Variants in HAO2 observed in about 807,000 individuals in gnomAD.
HAO2 encodes 2-Hydroxyacid oxidase 2.
In HAO2, 42 loss-of-function variants were observed where a neutral mutation model predicts 37.4. That is an observed-to-expected ratio of 1.12 (90% CI 0.88 to 1.45). The LOEUF is 1.45. Ranked by LOEUF, HAO2 falls within the 40% of genes most tolerant of loss-of-function variation. The probability of loss-of-function intolerance (pLI) is 0.00; values close to 1 mark genes in which losing one functional copy is unlikely to be tolerated. For missense variants in HAO2, 476 were observed against 430.2 expected (o/e 1.11, Z -0.94); for synonymous variants, 180 against 162.8 (o/e 1.11, Z -0.81).
intron 4 of HAO2, among the ~76,000 whole-genome samples, chr1:119,386,334 C>T (rs113600927): frequency 0.04 from 6,047 of 152,174 alleles, 386 homozygotes; most frequent in African/African-American, 0.14. Flanking sequence ...CCACTTCAGC[C>T]TCCCGAGTAG....
intron 4 of HAO2, 169 bp downstream of exon 4, chr1:119,385,222 TA>T: frequency 1.0e-5 from 10 of 982,932 alleles, no homozygotes; most frequent in Non-Finnish European, 1.2e-5. Flanking sequence ...TCCTGCTCCC[TA>T]GAGTTTCCAG....
intron 1 of HAO2, among the ~76,000 whole-genome samples, chr1:119,378,798 T>C (rs1444343031): frequency 6.6e-6 from 1 of 152,184 alleles, no homozygotes; most frequent in Non-Finnish European, 1.5e-5. Flanking sequence ...TGTGTATTTA[T>C]TGAGATATCA....
Position 119,381,140 on chromosome 1 carries a change from A to G in HAO2, c.55A>G (p.Lys19Glu), listed in dbSNP as rs765614393. Residue 19 changes from lysine to glutamate, a missense_variant, in exon 2 of 8, where the codon AAG (lysine) becomes GAG (glutamate). Lys to Glu is a moderately conservative substitution (Grantham distance 56, BLOSUM62 1). Transcript: ENST00000325945. ...FQAHAREQLSKSTRDFIEGGA... is the reference protein window; with the variant it reads ...FQAHAREQLSESTRDFIEGGA... ...GGCCCATGCGCGAGAGCAGCTGTCTAAGTCAACTCGGGATTTTATTGAAGG... is the reference window on the plus strand; with the variant it reads ...GGCCCATGCGCGAGAGCAGCTGTCTGAGTCAACTCGGGATTTTATTGAAGG... 4 of 1,609,528 alleles carry G rather than the reference A, an allele frequency of 2.5e-6. No individual in the cohort carries two copies. In the African/African-American group the frequency reaches 4.0e-5, roughly 16 times the overall value.
chr1:119,380,802 T>C, intron 1 of HAO2: 3 of 900,942 alleles, frequency 3.3e-6, no homozygotes, highest in South Asian at 1.4e-5. Flanking sequence ...AGGTGGTGTG[T>C]GTACAGTGGA....
intron 2 of HAO2, among the ~76,000 whole-genome samples, chr1:119,381,590 G>A (rs1016476193): frequency 6.6e-6 from 1 of 152,104 alleles, no homozygotes; most frequent in Admixed American, 6.5e-5. Flanking sequence ...ATGGAAGACA[G>A]GAGAGAACAC....
chr1:119,371,752 T>C (rs587625619), intron 1 of HAO2, among the ~76,000 whole-genome samples: 1 of 152,338 alleles, frequency 6.6e-6, no homozygotes, highest in East Asian at 1.9e-4. Context: ...TGTAAAGCAA[T>C]TTACACAGTG....
intron 4 of HAO2, 55 bp downstream of exon 4, chr1:119,385,108 C>T (rs906360669): frequency 1.3e-6 from 2 of 1,564,622 alleles, no homozygotes; most frequent in Admixed American, 1.7e-5. Context: ...AATTTCCTTC[C>T]CTCTTTTCTC....
At chr1:119,389,170 A>ATATATATATATATAT (rs1557855935) in intron 5 of HAO2, among the ~76,000 whole-genome samples, 1 of 96,542 alleles carries the variant, frequency 1.0e-5, no homozygotes. Flanking sequence ...ATATATATAC[A>ATATATATATATATAT]CCACAGTTTC....
At chr1:119,382,861 T>C (rs770604204) in intron 2 of HAO2, 54 bp from the exon 3 acceptor site, 57 of 1,565,930 alleles carry the variant, frequency 3.6e-5, no homozygotes, top group Non-Finnish European at 4.7e-5. Flanking sequence ...AGACAACGCC[T>C]CCCTGCTGCA....
chr1:119,393,752 A>C, intron 7 of HAO2, 33 bp from the exon 8 acceptor site: 1 of 1,608,168 alleles, frequency 6.2e-7, no homozygotes, highest in Non-Finnish European at 8.5e-7. Context: ...TGTGTTTGAC[A>C]AAAATGAGCT....
chr1:119,378,385 T>A (rs1649649023), intron 1 of HAO2, among the ~76,000 whole-genome samples: 1 of 152,168 alleles, frequency 6.6e-6, no homozygotes, highest in South Asian at 2.1e-4. Flanking sequence ...GAGCTATAAT[T>A]CAAGAAGATA....
chr1:119,381,028 T>C lies in HAO2; in HGVS notation c.-8-50T>C, dbSNP rs144988442. ...CTTCCCCTTCATTTCCTTTTCTGCA[T>C]CTGAAGTGTTCTCACTGGGTTTGGT... On this transcript the variant is annotated intron_variant, in intron 1 of 7. Coordinates refer to ENST00000325945, the MANE Select transcript of HAO2 (RefSeq NM_016527.4). The C allele has an allele frequency of 7.8e-6, 12 of 1,529,658 alleles. No individual in the cohort carries two copies. In the African/African-American group the frequency reaches 1.4e-4, roughly 17 times the overall value. 94.8% of individuals were successfully genotyped at this position (1,529,658 alleles called of 1,614,324 possible).
chr1:119,386,944 C>T (rs1650432957), intron 5 of HAO2, 113 bp downstream of exon 5: 2 of 707,592 alleles, frequency 2.8e-6, no homozygotes, highest in South Asian at 1.6e-5. Flanking sequence ...CTCCTCTGTA[C>T]CACATGTGTT....
At chr1:119,388,028 GTC>G (rs1197543384) in intron 5 of HAO2, among the ~76,000 whole-genome samples, 1 of 152,162 alleles carries the variant, frequency 6.6e-6, no homozygotes, top group Non-Finnish European at 1.5e-5. Context: ...CCTTCACTGT[GTC>G]TCTCTGGTAA....
At chr1:119,380,600 C>A in intron 1 of HAO2, 1 of 841,982 alleles carries the variant, frequency 1.2e-6, no homozygotes, top group Non-Finnish European at 2.0e-6. Context: ...AAATCCAGGG[C>A]CTAGAAAGCT....
chr1:119,375,787 G>A (rs1233955795), intron 1 of HAO2, among the ~76,000 whole-genome samples: 1 of 152,192 alleles, frequency 6.6e-6, no homozygotes, highest in Non-Finnish European at 1.5e-5. Context: ...AAGAGAGTGT[G>A]TGCAGGGGAA....
intron 1 of HAO2, among the ~76,000 whole-genome samples, chr1:119,375,685 A>G (rs1649397587): frequency 6.6e-6 from 1 of 152,222 alleles, no homozygotes; most frequent in Non-Finnish European, 1.5e-5. Context: ...AAAAAGGTTT[A>G]ATGGACTCCC....
chr1:119,381,108 A>C lies in HAO2; in HGVS notation c.23A>C (p.Asp8Ala). MSLVCLT[D>A]FQAHAREQLS... ...GAAATGTCCTTGGTGTGTTTGACAG[A>C]CTTTCAGGCCCATGCGCGAGAGCAG... The change falls in exon 2 of 8, where the codon GAC (aspartate) becomes GCC (alanine). Residue 8 changes from aspartate (D) to alanine (A), a missense_variant. Asp to Ala is a moderately radical substitution (Grantham distance 126). Coordinates refer to ENST00000325945, the MANE Select transcript of HAO2 (RefSeq NM_016527.4). 6.2e-7 allele frequency: 1 copy of C among 1,613,092 alleles called. No homozygotes were observed. Among genetic ancestry groups the C allele is most frequent in the Non-Finnish European group, 8.5e-7 (1 of 1,179,052 alleles).
intron 1 of HAO2, among the ~76,000 whole-genome samples, chr1:119,380,027 C>A (rs3753260): frequency 0.12 from 18,977 of 152,124 alleles, 1,833 homozygotes; most frequent in African/African-American, 0.27. Context: ...GACTTAAAAG[C>A]CATTCAGTTT....
Sources: gnomAD v4.1 joint callset for allele counts (sites outside exome capture counted in the v4.1 genomes callset) on GRCh38, gnomAD v4.1.1 for gene constraint, MANE v1.5 for transcripts, NCBI Gene and HGNC (gene_info 2026-07-23, HGNC 2026-07-21) for gene names.